RBM33: variants seen among roughly 807,000 people sequenced by gnomAD.
The protein encoded by RBM33 is RNA binding motif protein 33, also known as RNA-binding protein 33.
A neutral mutation model predicts 132.6 loss-of-function variants in RBM33; 28 were observed. The observed-to-expected ratio is 0.21, with a 90% CI of 0.16 to 0.29. The LOEUF is 0.29. Among genes scored for constraint, RBM33 ranks in the 10% least tolerant of loss-of-function variants. The pLI is 1.00. For synonymous variants in RBM33, 634 were observed against 593.0 expected, an observed-to-expected ratio of 1.07 and a Z score of -1.01; for missense variants, 1,291 against 1,518.5, an observed-to-expected ratio of 0.85 and a Z score of 2.49.
rs545257386 is a variant in RBM33 at position 155,679,943 on chromosome 7, T to C, written c.249-647T>C. ...TGATTTAATAGGTGGAACATGTTTT[T>C]TTTGCAGTTTCAAAACCTTTGTTAT... On this transcript the variant is annotated intron_variant, in intron 4 of 17. Coordinates refer to ENST00000401878, the MANE Select transcript of RBM33 (RefSeq NM_053043.3). Among the ~76,000 whole-genome samples the C allele has an allele frequency of 1.2e-4, 19 of 152,344 alleles. No homozygotes were observed. In the South Asian group the frequency reaches 1.4e-3, roughly 12 times the overall value.
chr7:155,731,046 A>G (rs887129111), intron 9 of RBM33, among the ~76,000 whole-genome samples: 4 of 152,222 alleles, frequency 2.6e-5, no homozygotes, highest in Non-Finnish European at 5.9e-5. Context: ...AAAAGGATGA[A>G]AGAGCTAAAG....
At chr7:155,732,273 TAAAA>T (rs1463583563) in intron 9 of RBM33, among the ~76,000 whole-genome samples, 1 of 152,196 alleles carries the variant, frequency 6.6e-6, no homozygotes, top group Admixed American at 6.5e-5. Flanking sequence ...TGTAAATTGA[TAAAA>T]AAATTTTCAC....
chr7:155,772,506 G>A lies in RBM33; in HGVS notation c.3376-2053G>A, dbSNP rs116191185. ...AAACAGGTCTCTGTCAAGAAATACA[G>A]GCGGAATTTCAAAGTCCAGAAAGCC... is the stretch of plus-strand genomic sequence containing the variant. On this transcript the variant is annotated intron_variant, in intron 16 of 17. Coordinates refer to ENST00000401878, the MANE Select transcript of RBM33 (RefSeq NM_053043.3). 2.9e-3 allele frequency among the ~76,000 whole-genome samples: 437 copies of A among 152,322 alleles called. 3 individuals carry two copies. Among genetic ancestry groups the A allele is most frequent in the African/African-American group, 9.9e-3 (411 of 41,570 alleles).
At chr7:155,700,091 A>G (rs1329238949) in intron 5 of RBM33, among the ~76,000 whole-genome samples, 2 of 152,192 alleles carry the variant, frequency 1.3e-5, no homozygotes, top group Non-Finnish European at 2.9e-5. Flanking sequence ...GGGTTAGGGA[A>G]AATTTTTGTA....
At chr7:155,646,859 C>T (rs1365684007) in intron 1 of RBM33, among the ~76,000 whole-genome samples, 1 of 152,208 alleles carries the variant, frequency 6.6e-6, no homozygotes, top group African/African-American at 2.4e-5. Context: ...ATGCGTTCCA[C>T]GTGTTCCTGG....
intron 3 of RBM33, among the ~76,000 whole-genome samples, chr7:155,678,064 G>A (rs1183201770): frequency 6.6e-6 from 1 of 152,140 alleles, no homozygotes; most frequent in Non-Finnish European, 1.5e-5. Context: ...ATAGGTAGGA[G>A]TACCATCAAG....
Position 155,766,559 on chromosome 7 carries a change from C to T in RBM33, c.3279C>T (p.Cys1093=), listed in dbSNP as rs1307209888. The change falls in exon 16 of 18, where the codon TGC becomes TGT. Residue 1093 remains cysteine (C), a synonymous_variant. Coordinates refer to ENST00000401878, the MANE Select transcript of RBM33 (RefSeq NM_053043.3). ...AGCAGAACCTGCGGGTGGTGGAGTGCAAGCCCCAGCCCTGCGTGGTGTCTG... is the reference window on the plus strand; with the variant it reads ...AGCAGAACCTGCGGGTGGTGGAGTGTAAGCCCCAGCCCTGCGTGGTGTCTG... ...PNKQNLRVVE[C]KPQPCVVSVE... is the part of the protein sequence containing the mutation. 2.5e-6 allele frequency: 4 copies of T among 1,613,462 alleles called. No individual in the cohort carries two copies. Among genetic ancestry groups the T allele is most frequent in the Non-Finnish European group, 3.4e-6 (4 of 1,179,744 alleles).
intron 5 of RBM33, among the ~76,000 whole-genome samples, chr7:155,699,945 CTGTAGGTACTTATTTTA>C (rs1386076593): frequency 4.6e-5 from 7 of 152,136 alleles, no homozygotes; most frequent in African/African-American, 1.7e-4. Context: ...ACCTTGCTCT[CTGTAGGTACTTATTTTA>C]TGTCTAAGAG....
At chr7:155,753,063 C>T (rs937199049) in intron 14 of RBM33, among the ~76,000 whole-genome samples, 1 of 152,188 alleles carries the variant, frequency 6.6e-6, no homozygotes, top group Non-Finnish European at 1.5e-5. Context: ...ACATGGCTTG[C>T]ACTCTCTTAC....
intron 5 of RBM33, among the ~76,000 whole-genome samples, chr7:155,692,234 A>C (rs1318862699): frequency 6.6e-6 from 1 of 152,138 alleles, no homozygotes; most frequent in East Asian, 1.9e-4. Flanking sequence ...ATTTTAACCT[A>C]CTTTAATATT....
At chr7:155,678,712 T>C (rs1799252926) in intron 4 of RBM33, 28 bp downstream of exon 4, 2 of 1,156,412 alleles carry the variant, frequency 1.7e-6, no homozygotes, top group African/African-American at 1.6e-5. Context: ...ATTATAAATG[T>C]TCTTTATTTA....
intron 13 of RBM33, among the ~76,000 whole-genome samples, 165 bp downstream of exon 13, chr7:155,742,271 C>A: frequency 6.8e-6 from 1 of 146,202 alleles, no homozygotes. Context: ...ATTAAAAAAA[C>A]ACTTGTATTC....
Position 155,763,914 on chromosome 7 carries a change from AG to A in RBM33, c.3089del (p.Gly1030AlafsTer52). The stretch of plus-strand genomic sequence containing the variant: ...GCCTGCCCGCAAGGTGACGCTGACC[AG>A]GGGGGGCCTCCAGCAGCCCCCACAT... ...PQPARKVTLT[R>X]GGLQQPPHLP... On this transcript the variant is annotated frameshift_variant, in exon 15 of 18. Coordinates refer to ENST00000401878, the MANE Select transcript of RBM33 (RefSeq NM_053043.3). LOFTEE classifies it high-confidence loss of function. 2.5e-6 allele frequency: 4 copies of A among 1,607,824 alleles called. No homozygotes were observed. The South Asian group carries it at 3.3e-5, about 13-fold the overall frequency.
chr7:155,662,141 A>G (rs2116886173), intron 1 of RBM33, among the ~76,000 whole-genome samples: 1 of 152,142 alleles, frequency 6.6e-6, no homozygotes, highest in South Asian at 2.1e-4. Context: ...ATGCCCAAGG[A>G]TTACCCTGGG....
At chr7:155,726,651 A>G (rs146575466) in intron 9 of RBM33, among the ~76,000 whole-genome samples, 65 of 152,356 alleles carry the variant, frequency 4.3e-4, no homozygotes, top group African/African-American at 1.5e-3. Context: ...TTTAAAATCT[A>G]TATTTGCTAG....
At chr7:155,688,015 A>G (rs1799527710) in intron 5 of RBM33, among the ~76,000 whole-genome samples, 1 of 152,318 alleles carries the variant, frequency 6.6e-6, no homozygotes, top group Non-Finnish European at 1.5e-5. Flanking sequence ...CTGTGAAGAA[A>G]GTCATTGGCA....
chr7:155,711,716 T>C (rs1001470902), intron 8 of RBM33, among the ~76,000 whole-genome samples: 14 of 152,144 alleles, frequency 9.2e-5, no homozygotes, highest in Non-Finnish European at 8.8e-5. Context: ...ATGTGAGTGT[T>C]CTGAGCTGAA....
chr7:155,674,345 G>C (rs1392940140), intron 3 of RBM33, among the ~76,000 whole-genome samples: 4 of 151,922 alleles, frequency 2.6e-5, no homozygotes, highest in African/African-American at 9.7e-5. Context: ...ATACTCTATT[G>C]GGGAATTATT....
At chr7:155,665,147 A>G (rs766516453) in intron 1 of RBM33, 28 bp from the exon 2 acceptor site, 2 of 1,605,398 alleles carry the variant, frequency 1.2e-6, no homozygotes, top group African/African-American at 2.7e-5. Context: ...AACTTAGTAA[A>G]ACTGACTTCA....
Sources: allele counts gnomAD v4.1 joint callset (sites outside exome capture counted in the v4.1 genomes callset), GRCh38; gene constraint gnomAD v4.1.1; transcripts MANE v1.5; gene names NCBI Gene and HGNC (gene_info 2026-07-23, HGNC 2026-07-21).